DELE1: variants seen among roughly 807,000 people sequenced by gnomAD.
The protein encoded by DELE1 is death ligand signal enhancer.
DELE1 carries 54 observed loss-of-function variants against 59.3 expected under a neutral mutation model. The ratio of observed to expected loss-of-function variants is 0.91; its 90% confidence interval spans 0.73 to 1.14. The LOEUF (loss-of-function observed/expected upper bound fraction) is 1.14, where lower values mean the gene tolerates loss of function less well. Ranked by LOEUF, DELE1 falls within the 50% of genes most tolerant of loss-of-function variation. The pLI is 0.00. For synonymous variants in DELE1, 264 were observed against 259.1 expected (o/e 1.02, Z -0.18); for missense variants, 636 against 643.9 (o/e 0.99, Z 0.13).
At position 141,929,708 on chromosome 5, in the gene DELE1, G is replaced by A. The variant is rs758625390; in HGVS notation, c.539G>A (p.Arg180Lys). The A allele has an allele frequency of 4.3e-6, 7 of 1,614,230 alleles. No homozygotes were observed. Among genetic ancestry groups the A allele is most frequent in the Non-Finnish European group, 4.2e-6 (5 of 1,180,046 alleles). ...QPRNFSHNSL[R>K]GARPQDPSEE... is the part of the protein sequence containing the mutation. ...CGGAACTTCTCACACAACTCTTTGA[G>A]AGGAGCTCGTCCTCAGGACCCCTCT... The change falls in exon 5 of 12, where the codon AGA becomes AAA. Residue 180 changes from arginine (R) to lysine (K), a missense_variant. Arg to Lys is a conservative substitution (Grantham distance 26). Transcript: ENST00000432126.
chr5:141,934,163 A>C (rs2126888612), intron 8 of DELE1, 77 bp from the exon 9 acceptor site: 1 of 1,283,164 alleles, frequency 7.8e-7, no homozygotes, highest in East Asian at 2.6e-5. Flanking sequence ...AATTAAAATA[A>C]TTTTTAAAAA....
chr5:141,929,515 G>C, intron 4 of DELE1, 67 bp from the exon 5 acceptor site: 1 of 1,550,888 alleles, frequency 6.4e-7, no homozygotes, highest in South Asian at 1.2e-5. Context: ...CTCCCAAGGT[G>C]CTGTGATTAT....
At chr5:141,938,487 C>G in intron 11 of DELE1, 34 bp from the exon 12 acceptor site, 2 of 1,600,070 alleles carry the variant, frequency 1.2e-6, no homozygotes, top group Non-Finnish European at 1.7e-6. Flanking sequence ...GAATATACAG[C>G]AAGAGTAAGA....
At position 141,941,220 on chromosome 5, in the gene DELE1, G is replaced by GT; in HGVS notation, c.*2462dup. 1.0e-5 allele frequency: 10 copies of GT among 985,512 alleles called. No homozygotes were observed. Among genetic ancestry groups the GT allele is most frequent in the Non-Finnish European group, 1.2e-5 (10 of 829,984 alleles). The allele number at this position is 985,512 out of a possible 1,614,324, so 61.0% of individuals were successfully genotyped here. A position where few individuals can be genotyped will look rare whatever the true frequency, so the allele number is the denominator to read the frequency against. ...CTGGTTCACAGTCTGGCCACTGGGC[G>GT]TCCTGTGGTGAAGGCCAGATGCAGC... is the stretch of plus-strand genomic sequence containing the variant. On this transcript the variant is annotated 3_prime_UTR_variant, in exon 12 of 12. Transcript: ENST00000432126.
rs1752592397 is a variant in DELE1 at position 141,939,141 on chromosome 5, G to A, written c.*382G>A. On this transcript the variant is annotated 3_prime_UTR_variant, in exon 12 of 12. Coordinates refer to ENST00000432126, the MANE Select transcript of DELE1 (RefSeq NM_014773.5). ...TAAATCTGTACTACTGTTTGCCAATGTCTGATGTGTGTATCCCTGGTTCAC... is the reference window on the plus strand; with the variant it reads ...TAAATCTGTACTACTGTTTGCCAATATCTGATGTGTGTATCCCTGGTTCAC... The A allele has an allele frequency of 1.0e-6, 1 of 997,144 alleles. No homozygotes were observed. The highest frequency in any genetic ancestry group is 1.2e-6 in the Non-Finnish European group (1 of 836,438). The allele number at this position is 997,144 out of a possible 1,614,324, so 61.8% of individuals were successfully genotyped here. A position where few individuals can be genotyped will look rare whatever the true frequency, so the allele number is the denominator to read the frequency against.
At chr5:141,929,795 G>T in intron 5 of DELE1, 55 bp downstream of exon 5, 1 of 1,599,522 alleles carries the variant, frequency 6.3e-7, no homozygotes, top group East Asian at 2.3e-5. Flanking sequence ...GTGGTGAGCT[G>T]GGCAAGATGG....
chr5:141,927,165 T>G (rs1329578333), intron 3 of DELE1, among the ~76,000 whole-genome samples: 4 of 152,212 alleles, frequency 2.6e-5, no homozygotes, highest in African/African-American at 9.7e-5. Flanking sequence ...AGGGCAGAAA[T>G]TATGTCTGTC....
chr5:141,924,744 T>A (rs745994042), intron 2 of DELE1, 49 bp downstream of exon 2: 9 of 1,188,130 alleles, frequency 7.6e-6, no homozygotes, highest in African/African-American at 1.7e-5. Flanking sequence ...GTCACCCTTT[T>A]TTTTTATTTT....
chr5:141,929,874 A>G, intron 5 of DELE1, 115 bp from the exon 6 acceptor site: 1 of 1,503,760 alleles, frequency 6.6e-7, no homozygotes, highest in Admixed American at 1.7e-5. Context: ...ATTCAGGGTT[A>G]TTTCGGTTCC....
rs776923885 is a variant in DELE1, at chr5:141,934,405, G to T, written c.1056+7G>T. On this transcript the variant is annotated splice_region_variant and intron_variant, in intron 9 of 11. Coordinates refer to ENST00000432126, the MANE Select transcript of DELE1 (RefSeq NM_014773.5). ...AGACTCAGGCTTGAGAGAGGTGAGT[G>T]CCATTGGCAGGGTCTGTTCAAGGTC... 1.2e-6 allele frequency: 2 copies of T among 1,614,136 alleles called. No individual in the cohort carries two copies. Among genetic ancestry groups the T allele is most frequent in the African/African-American group, 2.7e-5 (2 of 74,942 alleles).
intron 1 of DELE1, 96 bp from the exon 2 acceptor site, chr5:141,924,484 TC>T: frequency 1.3e-6 from 1 of 747,118 alleles, no homozygotes; most frequent in Non-Finnish European, 2.4e-6. Flanking sequence ...GATAAAAGAT[TC>T]CCATGTGTAT....
rs777289407 is a variant in DELE1, at chr5:141,941,842, C to G, written c.*3083C>G. 1 of 985,198 alleles carries G rather than the reference C, an allele frequency of 1.0e-6. No individual in the cohort carries two copies. The highest frequency in any genetic ancestry group is 4.7e-5 in the South Asian group (1 of 21,278). The allele number at this position is 985,198 out of a possible 1,614,324, so 61.0% of individuals were successfully genotyped here. On this transcript the variant is annotated 3_prime_UTR_variant, in exon 12 of 12. Coordinates refer to ENST00000432126, the MANE Select transcript of DELE1 (RefSeq NM_014773.5). ...AGTGATTATACTCAACTCCCCCCAC[C>G]CAATGCCCAGCACCAAGCCTACCCA...
chr5:141,935,156 G>A (rs749431999), intron 10 of DELE1, among the ~76,000 whole-genome samples: 1 of 152,202 alleles, frequency 6.6e-6, no homozygotes, highest in Admixed American at 6.5e-5. Context: ...AGGGAACACT[G>A]CTCAGTTTGG....
chr5:141,939,547 C>G lies in DELE1; in HGVS notation c.*788C>G. 1 of 985,820 alleles carries G rather than the reference C, an allele frequency of 1.0e-6. No homozygotes were observed. Among genetic ancestry groups the G allele is most frequent in the African/African-American group, 1.7e-5 (1 of 57,306 alleles). The allele number at this position is 985,820 out of a possible 1,614,324, so 61.1% of individuals were successfully genotyped here. A position where few individuals can be genotyped will look rare whatever the true frequency, so the allele number is the denominator to read the frequency against. On this transcript the variant is annotated 3_prime_UTR_variant, in exon 12 of 12. Coordinates refer to ENST00000432126, the MANE Select transcript of DELE1 (RefSeq NM_014773.5). The stretch of plus-strand genomic sequence containing the variant: ...CAAATGCCTGGATGTGTCTGCTTGA[C>G]TTTCAGAACTTCTCACCTCAGCCCT...
chr5:141,923,908 T>C lies in DELE1; in HGVS notation c.-34T>C. The stretch of plus-strand genomic sequence containing the variant: ...TGTCCCAAGGGTTGGTCTCGCGCTT[T>C]CGGCTGCGAGCTCTCTGTGGTGCTG... On this transcript the variant is annotated 5_prime_UTR_variant, in exon 1 of 12. Transcript: ENST00000432126. 6.3e-7 allele frequency: 1 copy of C among 1,590,222 alleles called. No homozygotes were observed. The highest frequency in any genetic ancestry group is 8.6e-7 in the Non-Finnish European group (1 of 1,168,524).
rs2126901286 is a variant in DELE1 at position 141,938,400 on chromosome 5, G to A, written c.1310-121G>A. 3.4e-6 allele frequency: 5 copies of A among 1,451,270 alleles called. No individual in the cohort carries two copies. In the South Asian group the frequency reaches 6.8e-5, roughly 20 times the overall value. 89.9% of individuals were successfully genotyped at this position (1,451,270 alleles called of 1,614,324 possible). On this transcript the variant is annotated intron_variant, in intron 11 of 11. Transcript: ENST00000432126. ...CTCTAAGAGCCCTGCTCACTCATGAGTCACTGGGGTTGGGAGTTAACAATG... is the reference window on the plus strand; with the variant it reads ...CTCTAAGAGCCCTGCTCACTCATGAATCACTGGGGTTGGGAGTTAACAATG...
At position 141,940,147 on chromosome 5, in the gene DELE1, A is replaced by T; in HGVS notation, c.*1388A>T. ...TGTTTAATAAAACAGATATTGGATT[A>T]TCTCATCACTCTTGCCCTTGAGTAT... On this transcript the variant is annotated 3_prime_UTR_variant, in exon 12 of 12. Transcript: ENST00000432126. 1 of 985,442 alleles carries T rather than the reference A, an allele frequency of 1.0e-6. No homozygotes were observed. The highest frequency in any genetic ancestry group is 1.2e-6 in the Non-Finnish European group (1 of 829,936). 61.0% of individuals were successfully genotyped at this position (985,442 alleles called of 1,614,324 possible).
At chr5:141,931,706 A>G (rs971833484) in intron 7 of DELE1, among the ~76,000 whole-genome samples, 1 of 152,142 alleles carries the variant, frequency 6.6e-6, no homozygotes, top group African/African-American at 2.4e-5. Context: ...TCTTCTACCC[A>G]AGGGCAGAGG....
chr5:141,934,284 G>T lies in DELE1; in HGVS notation c.942G>T (p.Leu314=), dbSNP rs749615880. 6.2e-7 allele frequency: 1 copy of T among 1,613,886 alleles called. No homozygotes were observed. Among genetic ancestry groups the T allele is most frequent in the South Asian group, 1.1e-5 (1 of 91,078 alleles). Reference sequence around the variant, plus strand: ...TGGCTGCCAGCCAGGGCCACAGCCTGGCTCAGTACCGCTATGCCAGGTGCC... The same window carrying T: ...TGGCTGCCAGCCAGGGCCACAGCCTTGCTCAGTACCGCTATGCCAGGTGCC... ...YQLAASQGHS[L]AQYRYARCLL... The change falls in exon 9 of 12, where the codon CTG becomes CTT. Residue 314 remains leucine (L), a synonymous_variant. Coordinates refer to ENST00000432126, the MANE Select transcript of DELE1 (RefSeq NM_014773.5).
Sources: gnomAD v4.1 joint callset for allele counts (sites outside exome capture counted in the v4.1 genomes callset) on GRCh38, gnomAD v4.1.1 for gene constraint, MANE v1.5 for transcripts, NCBI Gene and HGNC (gene_info 2026-07-23, HGNC 2026-07-21) for gene names.